METTL16: variants seen among roughly 807,000 people sequenced by gnomAD.
METTL16 encodes the protein RNA N(6)-adenosine-methyltransferase METTL16.
A neutral mutation model predicts 57.9 loss-of-function variants in METTL16; 19 were observed. The ratio of observed to expected loss-of-function variants is 0.33; its 90% CI spans 0.23 to 0.48. The LOEUF is 0.48. Among genes scored for constraint, METTL16 ranks in the 20% least tolerant of loss-of-function variants. The pLI is 0.99. For missense variants in METTL16, 434 were observed against 691.5 expected (o/e 0.63, Z 4.18); for synonymous variants, 246 against 255.6 (o/e 0.96, Z 0.36).
chr17:2,500,698 G>A (rs978304964), intron 2 of METTL16, among the ~76,000 whole-genome samples: 6 of 152,136 alleles, frequency 3.9e-5, no homozygotes, highest in African/African-American at 1.4e-4. Flanking sequence ...TCTGTAACTC[G>A]CAGAGTTGAG....
chr17:2,481,240 A>AC (rs1329098290), intron 2 of METTL16, among the ~76,000 whole-genome samples: 1 of 151,950 alleles, frequency 6.6e-6, no homozygotes, highest in African/African-American at 2.4e-5. Context: ...AAAAAAAAAA[A>AC]AACCCAGGAT....
At chr17:2,486,778 A>G (rs2067344640) in intron 2 of METTL16, among the ~76,000 whole-genome samples, 1 of 151,740 alleles carries the variant, frequency 6.6e-6, no homozygotes, top group African/African-American at 2.4e-5. Flanking sequence ...TTTGAGACCA[A>G]CCTGGGTAGC....
At chr17:2,453,799 C>T (rs1461665412) in intron 6 of METTL16, among the ~76,000 whole-genome samples, 1 of 152,156 alleles carries the variant, frequency 6.6e-6, no homozygotes, top group Non-Finnish European at 1.5e-5. Context: ...CATTTTTATA[C>T]ATCAAAAACT....
In METTL16 at chr17:2,467,831, T is replaced by A; in HGVS notation, c.515A>T (p.Glu172Val). Residue 172 changes from glutamate (E) to valine (V), a missense_variant, in exon 5 of 10, where the codon GAA becomes GTA. By Grantham distance (121) the Glu-to-Val change is moderately radical. This residue lies in a region of METTL16 where 118 missense variants were observed against 280.0 expected (regional missense o/e 0.42). Transcript: ENST00000263092. ...AAAGTCATAGATTATCTCAGATTCTTCTTTAAGAGCATCCATCAGGAGTGT... is the reference window on the plus strand; with the variant it reads ...AAAGTCATAGATTATCTCAGATTCTACTTTAAGAGCATCCATCAGGAGTGT... ...QKTLLMDALK[E>V]ESEIIYDFCM... is the part of the protein sequence containing the mutation. The A allele has an allele frequency of 6.2e-7, 1 of 1,614,212 alleles. No individual in the cohort carries two copies. The highest frequency in any genetic ancestry group is 8.5e-7 in the Non-Finnish European group (1 of 1,180,026).
intron 6 of METTL16, among the ~76,000 whole-genome samples, chr17:2,447,145 T>C (rs2067004241): frequency 7.0e-6 from 1 of 143,196 alleles, no homozygotes; most frequent in East Asian, 2.0e-4. Context: ...GGAGCGCCTC[T>C]TCCCCGCCGC....
intron 8 of METTL16, among the ~76,000 whole-genome samples, chr17:2,434,268 G>A (rs185290179): frequency 1.8e-4 from 27 of 152,176 alleles, no homozygotes; most frequent in East Asian, 9.7e-4. Context: ...GCGTGACCTC[G>A]GCTCACTGTA....
At chr17:2,503,989 T>C (rs1489493238) in intron 1 of METTL16, among the ~76,000 whole-genome samples, 3 of 152,116 alleles carry the variant, frequency 2.0e-5, no homozygotes, top group South Asian at 2.1e-4. Flanking sequence ...ACAATAAATA[T>C]GGATCAAGAA....
chr17:2,455,456 T>A (rs981387524), intron 6 of METTL16, among the ~76,000 whole-genome samples: 2 of 152,118 alleles, frequency 1.3e-5, no homozygotes, highest in African/African-American at 4.8e-5. Context: ...TTCTCTTCTT[T>A]CACCAGCTAA....
intron 6 of METTL16, among the ~76,000 whole-genome samples, chr17:2,450,541 G>A (rs540481416): frequency 2.1e-4 from 32 of 152,090 alleles, no homozygotes; most frequent in Middle Eastern, 3.2e-3. Context: ...ACTTAAATGG[G>A]AGTTACTCAA....
chr17:2,418,503 T>A lies in METTL16; in HGVS notation c.*1467A>T, dbSNP rs1206987818. The A allele has an allele frequency of 1.3e-5, 2 of 152,366 alleles. No individual in the cohort carries two copies. Among genetic ancestry groups the A allele is most frequent in the African/African-American group, 4.8e-5 (2 of 41,438 alleles). The allele number at this position is 152,366 out of a possible 1,614,324, so 9.4% of individuals were successfully genotyped here. A position where few individuals can be genotyped will look rare whatever the true frequency, so the allele number is the denominator to read the frequency against. Reference sequence around the variant, plus strand: ...TACTTGGGAGGCTGAGGCAGGAGAATCGCTTGAACCCGGGAGGCGGGGGTT... The same window carrying A: ...TACTTGGGAGGCTGAGGCAGGAGAAACGCTTGAACCCGGGAGGCGGGGGTT... On this transcript the variant is annotated 3_prime_UTR_variant, in exon 10 of 10. Coordinates refer to ENST00000263092, the MANE Select transcript of METTL16 (RefSeq NM_024086.4).
chr17:2,482,250 T>C (rs1184337248), intron 2 of METTL16, among the ~76,000 whole-genome samples: 1 of 152,146 alleles, frequency 6.6e-6, no homozygotes, highest in African/African-American at 2.4e-5. Flanking sequence ...CGTAACAAAA[T>C]CAATTTTTTT....
chr17:2,460,966 CTTCT>C (rs774241700), intron 6 of METTL16, among the ~76,000 whole-genome samples: 2 of 151,442 alleles, frequency 1.3e-5, no homozygotes, highest in Admixed American at 6.6e-5. Flanking sequence ...GTGCTGTTAC[CTTCT>C]TTAAGTTTAT....
chr17:2,452,871 C>CT (rs756837946), intron 6 of METTL16, among the ~76,000 whole-genome samples: 2 of 151,730 alleles, frequency 1.3e-5, no homozygotes, highest in East Asian at 1.9e-4. Flanking sequence ...TTTTTTTAGA[C>CT]TTTTTTTCAG....
At chr17:2,450,948 A>AC (rs1165589242) in intron 6 of METTL16, among the ~76,000 whole-genome samples, 1 of 152,234 alleles carries the variant, frequency 6.6e-6, no homozygotes, top group African/African-American at 2.4e-5. Context: ...CAATTAGGTT[A>AC]AAACTGTATG....
At chr17:2,445,743 G>A (rs1233337570) in intron 6 of METTL16, among the ~76,000 whole-genome samples, 1 of 151,276 alleles carries the variant, frequency 6.6e-6, no homozygotes, top group Non-Finnish European at 1.5e-5. Flanking sequence ...CTGAGATGGT[G>A]CCACTCCACT....
intron 6 of METTL16, among the ~76,000 whole-genome samples, chr17:2,446,910 T>C (rs1248604133): frequency 1.3e-5 from 2 of 151,454 alleles, no homozygotes; most frequent in Admixed American, 1.3e-4. Flanking sequence ...TGGAGTGCAG[T>C]GGCGTGATCT....
At chr17:2,426,677 C>T (rs1374403934) in intron 8 of METTL16, among the ~76,000 whole-genome samples, 6 of 138,220 alleles carry the variant, frequency 4.3e-5, no homozygotes, top group Admixed American at 2.4e-4. Flanking sequence ...TGCAGTGAGC[C>T]GAGATCACGC....
At chr17:2,505,802 T>A (rs944568913) in intron 1 of METTL16, among the ~76,000 whole-genome samples, 3 of 152,108 alleles carry the variant, frequency 2.0e-5, no homozygotes, top group Non-Finnish European at 4.4e-5. Context: ...CCTTCTCCTA[T>A]GTCCACCTGC....
intron 2 of METTL16, among the ~76,000 whole-genome samples, chr17:2,492,061 A>G (rs1360791706): frequency 6.7e-6 from 1 of 150,042 alleles, no homozygotes; most frequent in Non-Finnish European, 1.5e-5. Flanking sequence ...AATACAAAAA[A>G]TTAGCCGGGC....
Sources: gnomAD v4.1 joint callset for allele counts (sites outside exome capture counted in the v4.1 genomes callset) on GRCh38, gnomAD v4.1.1 for gene constraint, gnomAD v4.1.1 regional missense constraint, MANE v1.5 for transcripts, NCBI Gene and HGNC (gene_info 2026-07-23, HGNC 2026-07-21) for gene names.